Variants in SPAG16 observed in about 807,000 individuals in gnomAD.
SPAG16 encodes sperm associated antigen 16.
In SPAG16, 86 loss-of-function variants were observed where a neutral mutation model predicts 80.4. The ratio of observed to expected loss-of-function variants is 1.07; its 90% CI spans 0.90 to 1.28. SPAG16 has a LOEUF of 1.28. SPAG16 is among the 50% of genes most tolerant of loss of function. SPAG16 has a pLI of 0.00. For synonymous variants in SPAG16, 294 were observed against 265.9 expected, an observed-to-expected ratio of 1.11 and a Z score of -1.03; for missense variants, 870 against 765.3, an observed-to-expected ratio of 1.14 and a Z score of -1.61.
At chr2:213,900,103 C>A (rs1472815270) in intron 11 of SPAG16, among the ~76,000 whole-genome samples, 1 of 152,126 alleles carries the variant, frequency 6.6e-6, no homozygotes, top group African/African-American at 2.4e-5. Context: ...TTGAACTCAG[C>A]ATCACACTCA....
At chr2:213,421,060 C>T (rs1229104897) in intron 9 of SPAG16, among the ~76,000 whole-genome samples, 1 of 152,120 alleles carries the variant, frequency 6.6e-6, no homozygotes, top group African/African-American at 2.4e-5. Flanking sequence ...GGAGCCTTGC[C>T]TCCTACCAAG....
At chr2:214,148,951 C>G (rs1438633365) in intron 14 of SPAG16, among the ~76,000 whole-genome samples, 189 bp from the exon 15 acceptor site, 1 of 151,226 alleles carries the variant, frequency 6.6e-6, no homozygotes, top group Non-Finnish European at 1.5e-5. Flanking sequence ...ACAACTATTT[C>G]TTAGTTTAGA....
At chr2:213,982,175 T>C (rs1383359212) in intron 12 of SPAG16, among the ~76,000 whole-genome samples, 2 of 149,474 alleles carry the variant, frequency 1.3e-5, no homozygotes, top group African/African-American at 2.6e-5. Context: ...TTAAAAGTTA[T>C]TAACCTATAT....
chr2:213,876,216 C>T (rs943379067), intron 11 of SPAG16, among the ~76,000 whole-genome samples: 1 of 145,518 alleles, frequency 6.9e-6, no homozygotes, highest in Non-Finnish European at 1.5e-5. Context: ...AATGTAGGTA[C>T]ATAACTTTTA....
chr2:213,748,249 A>G (rs1049536047), intron 10 of SPAG16, among the ~76,000 whole-genome samples: 10 of 152,200 alleles, frequency 6.6e-5, no homozygotes, highest in South Asian at 4.1e-4. Flanking sequence ...TAAAAGGAAC[A>G]TATTCCTAAA....
At position 213,350,627 on chromosome 2, in the gene SPAG16, A is replaced by C. The variant is rs2125044441; in HGVS notation, c.744A>C (p.Arg248Ser). The C allele has an allele frequency of 6.3e-7, 1 of 1,592,168 alleles. No homozygotes were observed. Among genetic ancestry groups the C allele is most frequent in the South Asian group, 1.2e-5 (1 of 86,476 alleles). The stretch of plus-strand genomic sequence containing the variant: ...AGAAAATGCTGACCTCCTTGGAAAG[A>C]GACAAAGTAGTTGGGCAGGTAAAGA... Reference protein sequence around the residue: ...LKEKMLTSLERDKVVGQISGL... With the variant: ...LKEKMLTSLESDKVVGQISGL... Residue 248 changes from arginine (R) to serine (S), a missense_variant, in exon 7 of 16, where the codon AGA (arginine) becomes AGC (serine). By Grantham distance (110) the Arg-to-Ser change is moderately radical. Transcript: ENST00000331683.
At chr2:213,766,381 A>G (rs1325948043) in intron 10 of SPAG16, among the ~76,000 whole-genome samples, 4 of 152,200 alleles carry the variant, frequency 2.6e-5, no homozygotes, top group Non-Finnish European at 5.9e-5. Flanking sequence ...TAAATGGTGA[A>G]TTTATTAAAT....
chr2:213,658,761 A>G (rs1216706809), intron 10 of SPAG16, among the ~76,000 whole-genome samples: 1 of 152,204 alleles, frequency 6.6e-6, no homozygotes, highest in East Asian at 1.9e-4. Context: ...ACACTAGGCC[A>G]GGCACTGTGG....
intron 10 of SPAG16, among the ~76,000 whole-genome samples, chr2:213,680,408 G>A (rs1198764513): frequency 1.3e-5 from 2 of 149,978 alleles, no homozygotes; most frequent in South Asian, 2.1e-4. Context: ...CTTTACTTAC[G>A]AGGAACAAAT....
At chr2:214,346,593 G>A (rs1240077463) in intron 15 of SPAG16, among the ~76,000 whole-genome samples, 2 of 152,100 alleles carry the variant, frequency 1.3e-5, no homozygotes, top group Non-Finnish European at 2.9e-5. Context: ...GAAAACTGAG[G>A]AAATAACGCT....
At chr2:213,431,068 G>C (rs147356397) in intron 9 of SPAG16, among the ~76,000 whole-genome samples, 6 of 152,174 alleles carry the variant, frequency 3.9e-5, no homozygotes, top group African/African-American at 1.4e-4. Context: ...GCTCAAATGA[G>C]TTCTAAACAT....
intron 10 of SPAG16, among the ~76,000 whole-genome samples, chr2:213,720,036 A>G (rs1346754202): frequency 6.6e-6 from 1 of 152,212 alleles, no homozygotes; most frequent in African/African-American, 2.4e-5. Context: ...TGTCCTTTGC[A>G]GGGATATGGA....
chr2:213,402,824 C>T (rs1196836333), intron 9 of SPAG16, among the ~76,000 whole-genome samples: 2 of 152,240 alleles, frequency 1.3e-5, no homozygotes, highest in East Asian at 1.9e-4. Flanking sequence ...TCCAGTCTAT[C>T]GTTGTTGGAC....
intron 15 of SPAG16, among the ~76,000 whole-genome samples, chr2:214,262,782 C>G (rs1418595421): frequency 6.6e-6 from 1 of 152,012 alleles, no homozygotes; most frequent in Non-Finnish European, 1.5e-5. Flanking sequence ...CAATGAGTAT[C>G]AAAGGAATAA....
At chr2:213,292,680 AAAAACAAAAAAAAAC>A in intron 1 of SPAG16, among the ~76,000 whole-genome samples, 1 of 131,042 alleles carries the variant, frequency 7.6e-6, no homozygotes, top group African/African-American at 2.9e-5. Flanking sequence ...AAAAAACAAA[AAAAACAAAAAAAAAC>A]AAAACTATCA....
chr2:213,719,630 G>A (rs2162505), intron 10 of SPAG16, among the ~76,000 whole-genome samples: 36,215 of 152,022 alleles, frequency 0.24, 4,717 homozygotes, highest in Middle Eastern at 0.34. Context: ...CACCAATTCT[G>A]GACACAATAC....
At chr2:213,495,175 A>T (rs1179524354) in intron 10 of SPAG16, among the ~76,000 whole-genome samples, 1 of 152,184 alleles carries the variant, frequency 6.6e-6, no homozygotes, top group African/African-American at 2.4e-5. Flanking sequence ...TTGGGAGATT[A>T]TATCTTCAGT....
At chr2:214,254,851 T>A (rs1035414726) in intron 15 of SPAG16, among the ~76,000 whole-genome samples, 6 of 152,040 alleles carry the variant, frequency 3.9e-5, no homozygotes, top group Non-Finnish European at 4.4e-5. Flanking sequence ...TTGGTTTTTT[T>A]TATGAATTGT....
intron 15 of SPAG16, among the ~76,000 whole-genome samples, chr2:214,379,999 T>A (rs2126105296): frequency 6.6e-6 from 1 of 152,318 alleles, no homozygotes; most frequent in South Asian, 2.1e-4. Context: ...CTAAGGTTCA[T>A]GAGGGCACAC....
Sources: gnomAD v4.1 joint callset for allele counts (sites outside exome capture counted in the v4.1 genomes callset) on GRCh38, gnomAD v4.1.1 for gene constraint, MANE v1.5 for transcripts, NCBI Gene and HGNC (gene_info 2026-07-23, HGNC 2026-07-21) for gene names.